Variants in RALYL observed in about 807,000 individuals in gnomAD.
RALYL encodes the protein RALY RNA binding protein like.
A neutral mutation model predicts 35.1 loss-of-function variants in RALYL; 29 were observed. The ratio of observed to expected loss-of-function variants is 0.83; its 90% CI spans 0.61 to 1.13. The LOEUF is 1.13. RALYL is among the 50% of genes most tolerant of loss of function. RALYL has a pLI of 0.00. For synonymous variants in RALYL, 120 were observed against 127.6 expected, an observed-to-expected ratio of 0.94 and a Z score of 0.40; for missense variants, 359 against 360.4, an observed-to-expected ratio of 1.00 and a Z score of 0.03.
chr8:84,707,399 A>T (rs1564408722), intron 2 of RALYL, among the ~76,000 whole-genome samples: 1 of 152,094 alleles, frequency 6.6e-6, no homozygotes, highest in Non-Finnish European at 1.5e-5. Flanking sequence ...TTGTGCCTTT[A>T]CTCCTGTATC....
At chr8:84,590,574 T>G (rs1813012308) in intron 2 of RALYL, among the ~76,000 whole-genome samples, 1 of 152,142 alleles carries the variant, frequency 6.6e-6, no homozygotes. Context: ...TGAAGGACGC[T>G]CATGTGGAAG....
chr8:84,669,567 A>C (rs1205137615), intron 2 of RALYL, among the ~76,000 whole-genome samples: 1 of 135,606 alleles, frequency 7.4e-6, no homozygotes, highest in Non-Finnish European at 1.5e-5. Context: ...TTTAATTCCC[A>C]CTTATAAGTG....
chr8:84,401,100 G>GA (rs1180343634), intron 1 of RALYL, among the ~76,000 whole-genome samples: 2 of 152,088 alleles, frequency 1.3e-5, no homozygotes, highest in African/African-American at 4.8e-5. Flanking sequence ...TACAAAGTTT[G>GA]AAAATCACTG....
rs1159867156 is a variant in RALYL at position 84,257,792 on chromosome 8, A to C, written c.-24+73368A>C. On this transcript the variant is annotated intron_variant, in intron 1 of 8. Coordinates refer to ENST00000521268, the MANE Select transcript of RALYL (RefSeq NM_173848.7). ...CATTGGCTTGGTTTTCCCAGTGAAA[A>C]TTTAAAATAGGCAAAAATGTTTGCT... Among the ~76,000 whole-genome samples the C allele has an allele frequency of 2.0e-5, 3 of 152,154 alleles. No individual in the cohort carries two copies. In the East Asian group the frequency reaches 5.8e-4, roughly 29 times the overall value.
Position 84,760,482 on chromosome 8 carries a change from T to C in RALYL, c.257-14097T>C, listed in dbSNP as rs768156083. Among the ~76,000 whole-genome samples the C allele has an allele frequency of 2.6e-5, 4 of 152,224 alleles. No homozygotes were observed. The South Asian group carries it at 8.3e-4, about 32-fold the overall frequency. On this transcript the variant is annotated intron_variant, in intron 2 of 8. Coordinates refer to ENST00000521268, the MANE Select transcript of RALYL (RefSeq NM_173848.7). ...TCATGAAACAGAAATACAAAAATTT[T>C]TGTGATAATCTGATATTGAGACGAA...
intron 2 of RALYL, among the ~76,000 whole-genome samples, chr8:84,616,267 G>A (rs1819607260): frequency 3.1e-5 from 3 of 97,694 alleles, no homozygotes; most frequent in Admixed American, 1.1e-4. Flanking sequence ...GTTGTTTCCT[G>A]ACTTTTTAAT....
chr8:84,619,513 A>C (rs1321558241), intron 2 of RALYL, among the ~76,000 whole-genome samples: 9 of 146,580 alleles, frequency 6.1e-5, no homozygotes, highest in African/African-American at 2.3e-4. Context: ...GGTTTCCTGA[A>C]TACAGCACAC....
intron 1 of RALYL, among the ~76,000 whole-genome samples, chr8:84,315,321 T>A (rs943443024): frequency 3.1e-4 from 47 of 152,208 alleles, no homozygotes; most frequent in Admixed American, 2.7e-3. Context: ...TATGTACTGA[T>A]GGGAGATAAT....
At chr8:84,751,447 A>G (rs1295825717) in intron 2 of RALYL, among the ~76,000 whole-genome samples, 1 of 151,914 alleles carries the variant, frequency 6.6e-6, no homozygotes, top group Non-Finnish European at 1.5e-5. Flanking sequence ...ACCATAGGTG[A>G]TCCACCCACC....
chr8:84,516,003 G>T (rs1274941264), intron 1 of RALYL, among the ~76,000 whole-genome samples: 1 of 150,868 alleles, frequency 6.6e-6, no homozygotes, highest in Non-Finnish European at 1.5e-5. Flanking sequence ...CCTGGTTTGT[G>T]GTGGTCGGGG....
chr8:84,311,040 C>G (rs1428565890), intron 1 of RALYL, among the ~76,000 whole-genome samples: 1 of 71,542 alleles, frequency 1.4e-5, no homozygotes, highest in Non-Finnish European at 2.4e-5. Flanking sequence ...GGCGACAGAG[C>G]GAGACTCCGT....
chr8:84,610,869 T>C (rs1818156182), intron 2 of RALYL, among the ~76,000 whole-genome samples: 1 of 152,176 alleles, frequency 6.6e-6, no homozygotes, highest in South Asian at 2.1e-4. Flanking sequence ...TCCGTCAATG[T>C]ACATGTGTGT....
At chr8:84,342,515 A>G (rs1457298021) in intron 1 of RALYL, among the ~76,000 whole-genome samples, 2 of 151,492 alleles carry the variant, frequency 1.3e-5, no homozygotes, top group Non-Finnish European at 2.9e-5. Flanking sequence ...GCGAATTTCT[A>G]TTATCTAGAA....
At chr8:84,783,136 G>C (rs571767091) in intron 3 of RALYL, among the ~76,000 whole-genome samples, 1 of 97,334 alleles carries the variant, frequency 1.0e-5, no homozygotes, top group East Asian at 2.3e-4. Context: ...ATGGAGGGTA[G>C]CATGAAAGAA....
intron 2 of RALYL, among the ~76,000 whole-genome samples, chr8:84,759,117 T>C (rs1032228639): frequency 1.3e-5 from 2 of 152,056 alleles, no homozygotes; most frequent in African/African-American, 4.8e-5. Context: ...CTCCTCTTCT[T>C]CCCTCCTCTT....
intron 4 of RALYL, among the ~76,000 whole-genome samples, chr8:84,821,226 T>G (rs1022838063): frequency 6.6e-6 from 1 of 152,214 alleles, no homozygotes; most frequent in African/African-American, 2.4e-5. Flanking sequence ...ATCCTTTATT[T>G]TGTGTTCTTC....
chr8:84,348,179 A>T (rs567879619), intron 1 of RALYL, among the ~76,000 whole-genome samples: 1 of 152,202 alleles, frequency 6.6e-6, no homozygotes, highest in East Asian at 1.9e-4. Flanking sequence ...GTAAGGTTGC[A>T]ATTTGCTACA....
chr8:84,709,093 C>G (rs967175476), intron 2 of RALYL, among the ~76,000 whole-genome samples: 4 of 152,142 alleles, frequency 2.6e-5, no homozygotes, highest in African/African-American at 9.7e-5. Flanking sequence ...AAATACTAGT[C>G]ATCATAGCCC....
chr8:84,731,046 CA>C (rs1254710678), intron 2 of RALYL, among the ~76,000 whole-genome samples: 1 of 152,064 alleles, frequency 6.6e-6, no homozygotes, highest in East Asian at 1.9e-4. Flanking sequence ...GGGGCAGAAA[CA>C]TTTTTTTGGT....
Sources: gnomAD v4.1 joint callset for allele counts (sites outside exome capture counted in the v4.1 genomes callset) on GRCh38, gnomAD v4.1.1 for gene constraint, MANE v1.5 for transcripts, NCBI Gene and HGNC (gene_info 2026-07-23, HGNC 2026-07-21) for gene names.